The following PTPRA variants were observed in gnomAD, a reference collection of about 807,000 sequenced individuals.
The protein encoded by PTPRA is receptor-type tyrosine-protein phosphatase alpha.
A neutral mutation model predicts 104.8 loss-of-function variants in PTPRA; 25 were observed. That is an observed-to-expected ratio of 0.24 (90% CI 0.17 to 0.33). The LOEUF (loss-of-function observed/expected upper bound fraction) is 0.33. Among genes scored for constraint, PTPRA ranks in the 10% least tolerant of loss-of-function variants. PTPRA has a pLI of 1.00. For synonymous variants in PTPRA, 323 were observed against 368.9 expected (o/e 0.88, Z 1.43); for missense variants, 765 against 1,015.3 (o/e 0.75, Z 3.35).
intron 1 of PTPRA, among the ~76,000 whole-genome samples, chr20:2,906,166 G>A (rs2059422245): frequency 6.6e-6 from 1 of 152,186 alleles, no homozygotes; most frequent in Non-Finnish European, 1.5e-5. Flanking sequence ...TAGTAGAAAT[G>A]TACTTAAAGA....
chr20:2,941,126 G>T (rs1292152545), intron 2 of PTPRA, among the ~76,000 whole-genome samples: 1 of 152,072 alleles, frequency 6.6e-6, no homozygotes, highest in East Asian at 1.9e-4. Flanking sequence ...TGCCTCCTGG[G>T]TTCAAGCAGT....
At chr20:2,924,058 T>G (rs140388658) in intron 2 of PTPRA, among the ~76,000 whole-genome samples, 114 of 152,308 alleles carry the variant, frequency 7.5e-4, no homozygotes, top group African/African-American at 2.6e-3. Flanking sequence ...CACTGCAGCT[T>G]TATGTATTAT....
intron 14 of PTPRA, 97 bp from the exon 15 acceptor site, chr20:3,021,957 C>T: frequency 1.4e-6 from 2 of 1,460,878 alleles, no homozygotes; most frequent in Non-Finnish European, 1.9e-6. Context: ...ACTTACTTTT[C>T]CATTGTCACT....
chr20:3,029,794 C>G (rs2065342949), intron 20 of PTPRA, among the ~76,000 whole-genome samples: 1 of 152,092 alleles, frequency 6.6e-6, no homozygotes, highest in Non-Finnish European at 1.5e-5. Flanking sequence ...TCCCAAAGTG[C>G]TGGGATTACA....
intron 1 of PTPRA, among the ~76,000 whole-genome samples, chr20:2,889,600 C>G (rs567771837): frequency 6.6e-6 from 1 of 152,284 alleles, no homozygotes; most frequent in South Asian, 2.1e-4. Context: ...GTTTGATATA[C>G]CATACCTCAT....
In PTPRA at chr20:2,965,546, G is replaced by A. The variant is rs577237697; in HGVS notation, c.415+344G>A. Among the ~76,000 whole-genome samples the A allele has an allele frequency of 2.6e-5, 4 of 152,048 alleles. No individual in the cohort carries two copies. The South Asian group carries it at 8.3e-4, about 32-fold the overall frequency. ...ATACAGAGAATGAGTAATAAGATTA[G>A]GTTTGGAAAGGGAGGGATCCGTGGA... On this transcript the variant is annotated intron_variant, in intron 5 of 23. Coordinates refer to ENST00000399903, the MANE Select transcript of PTPRA (RefSeq NM_001385305.1).
chr20:2,891,803 A>G (rs1275192912), intron 1 of PTPRA, among the ~76,000 whole-genome samples: 1 of 152,108 alleles, frequency 6.6e-6, no homozygotes. Context: ...ATAAAATGGC[A>G]TATTTGCATG....
chr20:2,955,358 T>C (rs2061499554), intron 3 of PTPRA, among the ~76,000 whole-genome samples: 1 of 152,224 alleles, frequency 6.6e-6, no homozygotes, highest in African/African-American at 2.4e-5. Context: ...TCCAGACTCA[T>C]CTCTTTCAAG....
intron 3 of PTPRA, among the ~76,000 whole-genome samples, chr20:2,963,001 C>T (rs1287632698): frequency 6.6e-6 from 1 of 152,132 alleles, no homozygotes; most frequent in African/African-American, 2.4e-5. Flanking sequence ...GTGTATTGCT[C>T]CCCAGTTGTT....
At chr20:3,021,536 A>G (rs1256024669) in intron 14 of PTPRA, 108 bp downstream of exon 14, 9 of 1,435,428 alleles carry the variant, frequency 6.3e-6, no homozygotes, top group Non-Finnish European at 8.5e-6. Flanking sequence ...AGTATGCAGT[A>G]TGTGAATTCT....
At chr20:2,938,539 T>C (rs1367973515) in intron 2 of PTPRA, among the ~76,000 whole-genome samples, 1 of 152,104 alleles carries the variant, frequency 6.6e-6, no homozygotes, top group African/African-American at 2.4e-5. Flanking sequence ...CTCCATTCAT[T>C]CTCTTACTCT....
intron 1 of PTPRA, among the ~76,000 whole-genome samples, chr20:2,903,786 G>A (rs2059317517): frequency 6.6e-6 from 1 of 152,146 alleles, no homozygotes; most frequent in African/African-American, 2.4e-5. Context: ...ATTTTTAAAG[G>A]AAGGAAGGCA....
At chr20:2,924,970 C>T (rs779880434) in intron 2 of PTPRA, among the ~76,000 whole-genome samples, 7 of 152,170 alleles carry the variant, frequency 4.6e-5, no homozygotes, top group Non-Finnish European at 1.0e-4. Context: ...TGAGCCACCG[C>T]GCCCGGCCTG....
Position 3,037,444 on chromosome 20 carries a change from A to G in PTPRA, c.2334+155A>G, listed in dbSNP as rs530546618. On this transcript the variant is annotated intron_variant, in intron 23 of 23. Coordinates refer to ENST00000399903, the MANE Select transcript of PTPRA (RefSeq NM_001385305.1). This position sits in a 1 kb window ranked among gnomAD's most constrained non-coding sequence, Gnocchi z 4.3. The stretch of plus-strand genomic sequence containing the variant: ...AAGGTGCCCCAAATACACAGGAAAC[A>G]TTGGGAGGCAGGATGGCAGCAATGG... 6.6e-6 allele frequency among the ~76,000 whole-genome samples: 1 copy of G among 152,270 alleles called. No individual in the cohort carries two copies. Among genetic ancestry groups the G allele is most frequent in the South Asian group, 2.1e-4 (1 of 4,824 alleles).
chr20:3,028,820 A>G (rs1039402125), intron 20 of PTPRA, among the ~76,000 whole-genome samples: 2 of 152,150 alleles, frequency 1.3e-5, no homozygotes, highest in Non-Finnish European at 2.9e-5. Flanking sequence ...TGTTTTTTAA[A>G]AAATCCCTCT....
intron 1 of PTPRA, among the ~76,000 whole-genome samples, chr20:2,920,546 G>A (rs2060062202): frequency 6.6e-6 from 1 of 152,122 alleles, no homozygotes; most frequent in Admixed American, 6.5e-5. Context: ...TTGGAAGATG[G>A]GACACCAGGA....
At chr20:2,902,095 G>A (rs6051462) in intron 1 of PTPRA, among the ~76,000 whole-genome samples, 4 of 152,072 alleles carry the variant, frequency 2.6e-5, no homozygotes, top group African/African-American at 9.7e-5. Flanking sequence ...ATGTTGGTCA[G>A]GCTGGTCTCG....
chr20:2,954,313 A>C lies in PTPRA; in HGVS notation c.-7+6289A>C, dbSNP rs528566075. 1.3e-3 allele frequency among the ~76,000 whole-genome samples: 202 copies of C among 152,124 alleles called. 1 individual carries two copies. The highest frequency in any genetic ancestry group is 4.5e-3 in the African/African-American group (185 of 41,504). ...AGGCTGGGCTCGAACTCCTGACCTC[A>C]GGTGATCCACCCACCTTGACCTCCC... On this transcript the variant is annotated intron_variant, in intron 3 of 23. Coordinates refer to ENST00000399903, the MANE Select transcript of PTPRA (RefSeq NM_001385305.1).
At chr20:2,989,904 C>T (rs1220100751) in intron 9 of PTPRA, among the ~76,000 whole-genome samples, 1 of 152,102 alleles carries the variant, frequency 6.6e-6, no homozygotes, top group Non-Finnish European at 1.5e-5. Flanking sequence ...ATAGTTGCAG[C>T]TACTCTGGAG....
Sources: gnomAD v4.1 joint callset for allele counts (sites outside exome capture counted in the v4.1 genomes callset) on GRCh38, gnomAD v4.1.1 for gene constraint, Gnocchi (gnomAD v3.1) non-coding constraint, MANE v1.5 for transcripts, NCBI Gene and HGNC (gene_info 2026-07-23, HGNC 2026-07-21) for gene names.